Variants in BLTP3B observed in about 807,000 individuals in gnomAD.
BLTP3B encodes the protein UHRF1 (ICBP90) binding protein 1-like.
the BLTP3B span, among the ~76,000 whole-genome samples, chr12:100,048,767 A>AGTGAGTGT: frequency 8.9e-6 from 1 of 111,840 alleles, no homozygotes; most frequent in Admixed American, 9.9e-5. Flanking sequence ...AGAGAGTGAG[A>AGTGAGTGT]GTGAGTGTGT....
the BLTP3B span, among the ~76,000 whole-genome samples, chr12:100,125,116 G>A: frequency 4.0e-5 from 6 of 149,358 alleles, no homozygotes; most frequent in Non-Finnish European, 5.9e-5. Context: ...CGGATCATCC[G>A]AGGTCAGGAG....
At chr12:100,059,850 C>G in the BLTP3B span, 1 of 1,606,922 alleles carries the variant, frequency 6.2e-7, no homozygotes, top group South Asian at 1.1e-5. Context: ...TGTATGATAC[C>G]TTTAGCATTA....
the BLTP3B span, chr12:100,047,527 T>C: frequency 6.9e-6 from 11 of 1,585,982 alleles, no homozygotes; most frequent in Non-Finnish European, 9.5e-6. Context: ...TTTTCATATA[T>C]ACCTCTGATA....
chr12:100,041,983 A>G, the BLTP3B span, among the ~76,000 whole-genome samples: 4 of 152,322 alleles, frequency 2.6e-5, no homozygotes, highest in African/African-American at 9.6e-5. Flanking sequence ...GTAATAAAGA[A>G]TCCACAAATG....
chr12:100,038,473 T>A, the BLTP3B span, among the ~76,000 whole-genome samples: 1 of 152,110 alleles, frequency 6.6e-6, no homozygotes, highest in African/African-American at 2.4e-5. Flanking sequence ...GTAGCTGGGA[T>A]TACAAGCATG....
At chr12:100,059,829 T>C in the BLTP3B span, 53 of 1,589,050 alleles carry the variant, frequency 3.3e-5, no homozygotes, top group Non-Finnish European at 4.3e-5. Flanking sequence ...AAATCATTAC[T>C]ACTACTTGTT....
the BLTP3B span, among the ~76,000 whole-genome samples, chr12:100,096,215 T>C: frequency 1.3e-5 from 2 of 151,662 alleles, no homozygotes; most frequent in African/African-American, 4.8e-5. Context: ...GATAGTGCCA[T>C]TGCACTCCAG....
chr12:100,051,247 T>C, the BLTP3B span: 1 of 1,603,112 alleles, frequency 6.2e-7, no homozygotes, highest in Non-Finnish European at 8.5e-7. Flanking sequence ...AGTAAATTAA[T>C]AAATTAAAGT....
the BLTP3B span, chr12:100,057,927 A>G: frequency 1.8e-3 from 2,487 of 1,382,438 alleles, 50 homozygotes; most frequent in East Asian, 0.042. Flanking sequence ...ACAATGCCAT[A>G]TTTTGTCATG....
chr12:100,043,637 G>A, the BLTP3B span, among the ~76,000 whole-genome samples: 1 of 152,160 alleles, frequency 6.6e-6, no homozygotes. Context: ...TCTAGTGACT[G>A]TGGGAAAGGA....
the BLTP3B span, among the ~76,000 whole-genome samples, chr12:100,111,973 G>A: frequency 8.6e-5 from 13 of 151,632 alleles, no homozygotes; most frequent in African/African-American, 2.9e-4. Context: ...AATCCCTGGG[G>A]TCAAGCAATC....
At chr12:100,070,601 G>T in the BLTP3B span, among the ~76,000 whole-genome samples, 1 of 152,152 alleles carries the variant, frequency 6.6e-6, no homozygotes, top group South Asian at 2.1e-4. Flanking sequence ...CAATAAAACA[G>T]ATAGACAGCC....
chr12:100,039,803 T>A, the BLTP3B span: 1 of 1,597,758 alleles, frequency 6.3e-7, no homozygotes, highest in Non-Finnish European at 8.5e-7. Context: ...ATCAAACAAA[T>A]AACATGCTCA....
chr12:100,042,965 A>G, the BLTP3B span, among the ~76,000 whole-genome samples: 1 of 151,986 alleles, frequency 6.6e-6, no homozygotes, highest in Admixed American at 6.6e-5. Context: ...ACACCCAGCT[A>G]ATTTTTGTAT....
the BLTP3B span, among the ~76,000 whole-genome samples, chr12:100,067,023 CT>C: frequency 6.6e-6 from 1 of 152,086 alleles, no homozygotes; most frequent in East Asian, 1.9e-4. Context: ...AACTGGAAAT[CT>C]ACTTCAAAGG....
At chr12:100,129,938 T>C in the BLTP3B span, among the ~76,000 whole-genome samples, 1 of 152,236 alleles carries the variant, frequency 6.6e-6, no homozygotes, top group South Asian at 2.1e-4. Context: ...TTTATTACTC[T>C]CAAGCTGTCA....
chr12:100,115,998 A>G, the BLTP3B span, among the ~76,000 whole-genome samples: 1 of 151,852 alleles, frequency 6.6e-6, no homozygotes, highest in African/African-American at 2.4e-5. Context: ...ATGAAATCCC[A>G]TCTCTACTAA....
the BLTP3B span, among the ~76,000 whole-genome samples, chr12:100,096,951 G>A: frequency 4.9e-3 from 751 of 152,230 alleles, 12 homozygotes; most frequent in African/African-American, 0.017. Context: ...CATAGTGGGC[G>A]TGCCTATTGT....
the BLTP3B span, chr12:100,097,443 A>G: frequency 1.2e-6 from 2 of 1,613,636 alleles, no homozygotes; most frequent in East Asian, 2.2e-5. Flanking sequence ...CAAGATGTGA[A>G]CTTTGGGTGG....
Sources: gnomAD v4.1 joint callset for allele counts (sites outside exome capture counted in the v4.1 genomes callset) on GRCh38, gnomAD v4.1.1 for gene constraint, MANE v1.5 for transcripts, NCBI Gene and HGNC (gene_info 2026-07-23, HGNC 2026-07-21) for gene names.